The following EML1 variants were observed in gnomAD, a reference collection of about 807,000 sequenced individuals.
EML1 encodes the protein echinoderm microtubule-associated protein-like 1.
In EML1, 27 loss-of-function variants were observed where a neutral mutation model predicts 110.4. The ratio of observed to expected loss-of-function variants is 0.24; its 90% CI spans 0.18 to 0.34. The LOEUF (loss-of-function observed/expected upper bound fraction) is 0.34, where lower values mean the gene tolerates loss of function less well. Ranked by LOEUF, EML1 falls within the 10% of genes least tolerant of loss-of-function variation. The pLI, the probability that EML1 is intolerant of heterozygous loss-of-function variation, is 1.00. For missense variants in EML1, 741 were observed against 1,030.9 expected, an observed-to-expected ratio of 0.72 and a Z score of 3.85; for synonymous variants, 344 against 385.8, an observed-to-expected ratio of 0.89 and a Z score of 1.27.
chr14:99,874,107 C>G (rs1343583204), intron 3 of EML1, among the ~76,000 whole-genome samples: 1 of 152,112 alleles, frequency 6.6e-6, no homozygotes, highest in Non-Finnish European at 1.5e-5. Flanking sequence ...GAAAGAAAAC[C>G]TAATTGTAGC....
chr14:99,894,130 A>C lies in EML1; in HGVS notation c.548-499A>C, dbSNP rs79023812. Among the ~76,000 whole-genome samples, 567 of 152,084 alleles carry C rather than the reference A, an allele frequency of 3.7e-3. 8 individuals are homozygous for C. The highest frequency in any genetic ancestry group is 0.013 in the African/African-American group (541 of 41,452). On this transcript the variant is annotated intron_variant, in intron 5 of 21. Coordinates refer to ENST00000262233, the MANE Select transcript of EML1 (RefSeq NM_004434.3). ...CACTTCTGCTGATTTTGTGTTCTTT[A>C]CACTTGAAAGAATTGTTCAGTTAAA...
intron 3 of EML1, among the ~76,000 whole-genome samples, chr14:99,872,659 A>G (rs2139912098): frequency 6.6e-6 from 1 of 152,346 alleles, no homozygotes; most frequent in East Asian, 1.9e-4. Context: ...TGGAAGCTAG[A>G]AATAAGAACA....
rs919445886 is a variant in EML1, at chr14:99,939,670, A to ACC, written c.2323-314_2323-313dup. ...ATCCTCCGTGATCCTGACCCTGGAG[A>ACC]CCCCTCACCCTCAGCCCCGGGCATC... On this transcript the variant is annotated intron_variant, in intron 21 of 21. Coordinates refer to ENST00000262233, the MANE Select transcript of EML1 (RefSeq NM_004434.3). This position sits in a 1 kb window ranked among gnomAD's most constrained non-coding sequence, Gnocchi z 4.2. Among the ~76,000 whole-genome samples, 6 of 151,552 alleles carry ACC rather than the reference A, an allele frequency of 4.0e-5. No individual in the cohort carries two copies. The highest frequency in any genetic ancestry group is 1.5e-4 in the African/African-American group (6 of 41,218).
chr14:99,916,486 T>G lies in EML1; in HGVS notation c.1753-1296T>G, dbSNP rs565888240. Among the ~76,000 whole-genome samples the G allele has an allele frequency of 2.0e-5, 3 of 152,354 alleles. No individual in the cohort carries two copies. In the East Asian group the frequency reaches 5.8e-4, roughly 29 times the overall value. ...TTTTCATTCCCATTGCTACTTTTCT[T>G]CCTGATCTTCCTTAATCTCTTCTCT... On this transcript the variant is annotated intron_variant, in intron 15 of 21. Coordinates refer to ENST00000262233, the MANE Select transcript of EML1 (RefSeq NM_004434.3).
At chr14:99,748,777 C>T (rs566231148) in intron 1 of EML1, among the ~76,000 whole-genome samples, 2 of 152,322 alleles carry the variant, frequency 1.3e-5, no homozygotes, top group Admixed American at 1.3e-4. Context: ...ACACTTCCGT[C>T]GTCCACGGAA....
intron 1 of EML1, among the ~76,000 whole-genome samples, chr14:99,782,526 C>G (rs923525323): frequency 6.6e-6 from 1 of 152,068 alleles, no homozygotes; most frequent in Non-Finnish European, 1.5e-5. Flanking sequence ...CTCAGTGTGG[C>G]GAAATGTGTG....
chr14:99,887,306 A>G (rs2059496102), intron 4 of EML1, among the ~76,000 whole-genome samples: 1 of 152,210 alleles, frequency 6.6e-6, no homozygotes, highest in Non-Finnish European at 1.5e-5. Flanking sequence ...ACTGTGCTGG[A>G]GTTCGTCTTG....
intron 9 of EML1, 90 bp downstream of exon 9, chr14:99,901,129 A>T: frequency 9.2e-7 from 1 of 1,082,084 alleles, no homozygotes; most frequent in Non-Finnish European, 1.4e-6. Flanking sequence ...GACACACTCG[A>T]TACCTGCCTG....
At chr14:99,889,635 G>A (rs746429404) in intron 4 of EML1, among the ~76,000 whole-genome samples, 8 of 152,164 alleles carry the variant, frequency 5.3e-5, no homozygotes, top group African/African-American at 9.7e-5. Context: ...GGCTGACTTC[G>A]GGGAGGATGG....
At chr14:99,833,077 GCCTAACCAAGGTTATAAAGATT>G (rs1375015462) in intron 1 of EML1, among the ~76,000 whole-genome samples, 3 of 152,070 alleles carry the variant, frequency 2.0e-5, no homozygotes, top group Admixed American at 6.5e-5. Flanking sequence ...CAAGATCTTT[GCCTAACCAAGGTTATAAAGATT>G]TCCTCCTCAG....
intron 3 of EML1, chr14:99,874,997 A>T: frequency 6.2e-7 from 1 of 1,612,518 alleles, no homozygotes; most frequent in South Asian, 1.1e-5. Flanking sequence ...GGTGAGGGGA[A>T]CTTAGATTTA....
intron 2 of EML1, among the ~76,000 whole-genome samples, chr14:99,852,851 T>G (rs1274083628): frequency 6.6e-6 from 1 of 152,210 alleles, no homozygotes; most frequent in African/African-American, 2.4e-5. Context: ...TGGGCTGATG[T>G]CTGCATTTTG....
chr14:99,796,238 T>C (rs2057772592), intron 1 of EML1, among the ~76,000 whole-genome samples: 1 of 120,576 alleles, frequency 8.3e-6, no homozygotes, highest in African/African-American at 2.9e-5. Flanking sequence ...GAGAAGATAA[T>C]GTGTAAATGA....
intron 1 of EML1, among the ~76,000 whole-genome samples, chr14:99,746,621 C>T (rs1245557448): frequency 1.3e-5 from 2 of 152,118 alleles, no homozygotes; most frequent in South Asian, 2.1e-4. Flanking sequence ...CCTGCTCGCC[C>T]GGGGACAACA....
chr14:99,762,961 C>T lies in EML1; in HGVS notation c.28+25101C>T, dbSNP rs562972959. On this transcript the variant is annotated intron_variant, in intron 1 of 10. Coordinates refer to the EML1 transcript ENST00000554479. Reference sequence around the variant, plus strand: ...TGTGTGTGATATGCTTTGGCTGTGTCCCCACCCAAATCTCATCTTGAATTC... The same window carrying T: ...TGTGTGTGATATGCTTTGGCTGTGTTCCCACCCAAATCTCATCTTGAATTC... Among the ~76,000 whole-genome samples, 3 of 152,276 alleles carry T rather than the reference C, an allele frequency of 2.0e-5. No homozygotes were observed. In the South Asian group the frequency reaches 6.2e-4, roughly 32 times the overall value.
At chr14:99,860,216 C>T (rs941936359) in intron 2 of EML1, among the ~76,000 whole-genome samples, 4 of 152,106 alleles carry the variant, frequency 2.6e-5, no homozygotes, top group African/African-American at 9.7e-5. Context: ...CTGAGAAATT[C>T]TCCTTTTGGT....
chr14:99,925,275 CTTTTTT>C (rs972066503), intron 17 of EML1, among the ~76,000 whole-genome samples: 1 of 136,062 alleles, frequency 7.3e-6, no homozygotes, highest in Non-Finnish European at 1.6e-5. Flanking sequence ...TTTCTTTTTT[CTTTTTT>C]TTTTTTTTTT....
At chr14:99,857,961 G>T (rs779775446) in intron 2 of EML1, among the ~76,000 whole-genome samples, 1 of 152,084 alleles carries the variant, frequency 6.6e-6, no homozygotes, top group African/African-American at 2.4e-5. Flanking sequence ...AAATGAAAAC[G>T]CATGGTACAA....
intron 1 of EML1, among the ~76,000 whole-genome samples, chr14:99,775,384 G>C (rs2057470974): frequency 6.6e-6 from 1 of 152,202 alleles, no homozygotes; most frequent in Admixed American, 6.5e-5. Context: ...CCGGCTCCCG[G>C]AACAGTGGCA....
Sources: allele counts gnomAD v4.1 joint callset (sites outside exome capture counted in the v4.1 genomes callset), GRCh38; gene constraint gnomAD v4.1.1; non-coding constraint Gnocchi (gnomAD v3.1); transcripts MANE v1.5; gene names NCBI Gene and HGNC (gene_info 2026-07-23, HGNC 2026-07-21).